The following ENTPD3 variants were observed in gnomAD, a reference collection of about 807,000 sequenced individuals.
ENTPD3 encodes the protein ectonucleoside triphosphate diphosphohydrolase 3.
Under a neutral mutation model 51.2 loss-of-function variants are expected in ENTPD3, and 60 were observed. The ratio of observed to expected loss-of-function variants is 1.17; its 90% CI spans 0.95 to 1.45. ENTPD3 has a LOEUF of 1.45. ENTPD3 is among the 40% of genes most tolerant of loss of function. ENTPD3 has a pLI of 0.00. For synonymous variants in ENTPD3, 221 were observed against 238.4 expected, an observed-to-expected ratio of 0.93 and a Z score of 0.67; for missense variants, 593 against 641.1, an observed-to-expected ratio of 0.93 and a Z score of 0.81.
chr3:40,387,946 G>C (rs1954974974), intron 1 of ENTPD3, 100 bp from the exon 2 acceptor site: 1 of 924,636 alleles, frequency 1.1e-6, no homozygotes, highest in Non-Finnish European at 1.8e-6. Flanking sequence ...TTTTGATTTG[G>C]AGGAAGTAAA....
intron 4 of ENTPD3, among the ~76,000 whole-genome samples, chr3:40,402,764 G>A (rs1405711559): frequency 6.6e-6 from 1 of 152,022 alleles, no homozygotes; most frequent in East Asian, 1.9e-4. Context: ...TTGCTCTTTT[G>A]TATGTTTTAT....
intron 4 of ENTPD3, among the ~76,000 whole-genome samples, chr3:40,404,406 G>A (rs1955444598): frequency 6.6e-6 from 1 of 152,174 alleles, no homozygotes. Context: ...TTGTTACTCT[G>A]TCCCACAGTT....
rs777474924 is a variant in ENTPD3, at chr3:40,416,083, TC to T, written c.831+11del. 1.2e-6 allele frequency: 2 copies of T among 1,607,698 alleles called. No individual in the cohort carries two copies. Among genetic ancestry groups the T allele is most frequent in the South Asian group, 2.2e-5 (2 of 90,606 alleles). ...GGCAATGCTCCTGCAGGTACTTGAG[TC>T]GGGGGTAGGGGGTGGCAGGTGTTCT... On this transcript the variant is annotated intron_variant, in intron 7 of 10. Coordinates refer to ENST00000301825, the MANE Select transcript of ENTPD3 (RefSeq NM_001248.4).
intron 4 of ENTPD3, among the ~76,000 whole-genome samples, chr3:40,410,504 C>T (rs1474600384): frequency 6.6e-6 from 1 of 151,346 alleles, no homozygotes; most frequent in African/African-American, 2.4e-5. Flanking sequence ...AATAATGGAG[C>T]TAAACCATTA....
chr3:40,408,949 AT>A (rs1320303057), intron 4 of ENTPD3, among the ~76,000 whole-genome samples: 1 of 151,904 alleles, frequency 6.6e-6, no homozygotes, highest in Admixed American at 6.6e-5. Context: ...GGATTAATAT[AT>A]TTTTATATTA....
intron 3 of ENTPD3, chr3:40,392,506 G>A (rs1473298245): frequency 5.5e-6 from 1 of 182,312 alleles, no homozygotes; most frequent in Non-Finnish European, 1.1e-5. Context: ...GGGAGGCTGA[G>A]GCAGGTGGAT....
chr3:40,402,962 T>C (rs1955403512), intron 4 of ENTPD3, among the ~76,000 whole-genome samples: 2 of 152,206 alleles, frequency 1.3e-5, no homozygotes, highest in Admixed American at 6.5e-5. Context: ...AGTTGGCCTG[T>C]AGCCTCCCAA....
intron 7 of ENTPD3, among the ~76,000 whole-genome samples, chr3:40,420,452 G>T (rs1955843702): frequency 6.6e-6 from 1 of 151,816 alleles, no homozygotes; most frequent in Admixed American, 6.6e-5. Context: ...TGTTAGCCAG[G>T]ATGGCCTCGA....
At chr3:40,390,736 A>C (rs1299953106) in intron 2 of ENTPD3, among the ~76,000 whole-genome samples, 1 of 152,066 alleles carries the variant, frequency 6.6e-6, no homozygotes, top group Non-Finnish European at 1.5e-5. Context: ...TCTCCAAAGG[A>C]CTTTGAAAGG....
chr3:40,389,363 C>T (rs1406523173), intron 2 of ENTPD3, among the ~76,000 whole-genome samples: 1 of 152,224 alleles, frequency 6.6e-6, no homozygotes, highest in Non-Finnish European at 1.5e-5. Context: ...AAAAGTGATA[C>T]AGGACCTCTT....
intron 2 of ENTPD3, 83 bp from the exon 3 acceptor site, chr3:40,391,940 G>T: frequency 3.3e-6 from 5 of 1,525,722 alleles, no homozygotes; most frequent in Non-Finnish European, 4.5e-6. Context: ...CTGATTATGG[G>T]GCCAGTCCAT....
chr3:40,392,600 G>A (rs1279020291), intron 3 of ENTPD3: 1 of 155,388 alleles, frequency 6.4e-6, no homozygotes, highest in African/African-American at 2.4e-5. Flanking sequence ...AAATTTACCG[G>A]TTAGTGCACT....
intron 7 of ENTPD3, among the ~76,000 whole-genome samples, chr3:40,417,920 C>T (rs1055886537): frequency 6.6e-5 from 10 of 152,114 alleles, no homozygotes; most frequent in African/African-American, 2.4e-4. Flanking sequence ...AGAGGCTAAT[C>T]TTTTAAATTT....
chr3:40,398,895 A>G (rs1955274004), intron 3 of ENTPD3, among the ~76,000 whole-genome samples: 1 of 152,170 alleles, frequency 6.6e-6, no homozygotes, highest in South Asian at 2.1e-4. Flanking sequence ...TACTGTCAGG[A>G]AGACATGTTC....
intron 7 of ENTPD3, among the ~76,000 whole-genome samples, chr3:40,416,293 G>C (rs879785828): frequency 2.0e-5 from 3 of 152,114 alleles, no homozygotes; most frequent in Non-Finnish European, 4.4e-5. Flanking sequence ...CAGTAAATTT[G>C]AGTAAGAAGT....
In ENTPD3 at chr3:40,415,882, A is replaced by T. The variant is rs190690283; in HGVS notation, c.640A>T (p.Thr214Ser). Residue 214 changes from threonine to serine, a missense_variant, in exon 7 of 11, where the codon ACC becomes TCC. Transcript: ENST00000301825. The stretch of plus-strand genomic sequence containing the variant: ...GTGGGTGCACCCGCATGGAGTGGAA[A>T]CCACGGGTGCCCTGGACTTAGGTGG... ...HMWVHPHGVE[T>S]TGALDLGGAS... 20 of 1,614,088 alleles carry T rather than the reference A, an allele frequency of 1.2e-5. No homozygotes were observed. In the East Asian group the frequency reaches 3.8e-4, roughly 31 times the overall value.
Position 40,428,056 on chromosome 3 carries a change from C to G in ENTPD3, c.*548C>G, listed in dbSNP as rs542972086. ...ACTTCCTTCAGGGCAGCAGCCACAG[C>G]CAGGCTTCTGTCATACAGGTAGATC... On this transcript the variant is annotated 3_prime_UTR_variant, in exon 11 of 11. Coordinates refer to ENST00000301825, the MANE Select transcript of ENTPD3 (RefSeq NM_001248.4). 1.3e-5 allele frequency: 2 copies of G among 158,022 alleles called. No homozygotes were observed. Among genetic ancestry groups the G allele is most frequent in the African/African-American group, 4.8e-5 (2 of 41,562 alleles). The allele number at this position is 158,022 out of a possible 1,614,324, so 9.8% of individuals were successfully genotyped here. A position where few individuals can be genotyped will look rare whatever the true frequency, so the allele number is the denominator to read the frequency against.
intron 10 of ENTPD3, chr3:40,424,665 G>T: frequency 1.5e-6 from 1 of 686,504 alleles, no homozygotes. Context: ...CTGGTGACAG[G>T]TGAAAGGACC....
chr3:40,394,033 A>T (rs1012055655), intron 3 of ENTPD3, among the ~76,000 whole-genome samples: 2 of 114,930 alleles, frequency 1.7e-5, no homozygotes, highest in African/African-American at 6.8e-5. Context: ...TGGGCAACAG[A>T]GCGAGACTCT....
Sources: gnomAD v4.1 joint callset for allele counts (sites outside exome capture counted in the v4.1 genomes callset) on GRCh38, gnomAD v4.1.1 for gene constraint, MANE v1.5 for transcripts, NCBI Gene and HGNC (gene_info 2026-07-23, HGNC 2026-07-21) for gene names.